The following SPRED1 variants were observed in gnomAD, a reference collection of about 807,000 sequenced individuals.
SPRED1 encodes sprouty related EVH1 domain containing 1.
In SPRED1, 18 loss-of-function variants were observed where a neutral mutation model predicts 52.3. The ratio of observed to expected loss-of-function variants is 0.34; its 90% CI spans 0.24 to 0.51. The LOEUF is 0.51. Among genes scored for constraint, SPRED1 ranks in the 20% least tolerant of loss-of-function variants. The pLI, the probability that SPRED1 is intolerant of heterozygous loss-of-function variation, is 0.97. For synonymous variants in SPRED1, 155 were observed against 179.7 expected, an observed-to-expected ratio of 0.86 and a Z score of 1.10; for missense variants, 485 against 551.0, an observed-to-expected ratio of 0.88 and a Z score of 1.20.
At position 38,271,672 on chromosome 15, in the gene SPRED1, G is replaced by A. The variant is rs75662297; in HGVS notation, c.32+18455G>A. Among the ~76,000 whole-genome samples, 44 of 152,280 alleles carry A rather than the reference G, an allele frequency of 2.9e-4. No individual in the cohort carries two copies. The East Asian group carries it at 8.3e-3, about 29-fold the overall frequency. ...GTTCTTTGGTAAAAAAGGACTTAGA[G>A]ATATTGATTCCCTGCTAGAGGAAAT... On this transcript the variant is annotated intron_variant, in intron 1 of 6. Transcript: ENST00000299084.
chr15:38,272,014 G>T (rs1200818587), intron 1 of SPRED1, among the ~76,000 whole-genome samples: 1 of 152,114 alleles, frequency 6.6e-6, no homozygotes, highest in East Asian at 1.9e-4. Context: ...TTGGTTTTCT[G>T]TTCCTGCCTG....
At chr15:38,350,663 C>A (rs1437505911) in intron 6 of SPRED1, among the ~76,000 whole-genome samples, 1 of 152,148 alleles carries the variant, frequency 6.6e-6, no homozygotes, top group African/African-American at 2.4e-5. Flanking sequence ...GTGGCTCATG[C>A]AATAGTAGAG....
At chr15:38,288,191 A>G (rs8028942) in intron 1 of SPRED1, among the ~76,000 whole-genome samples, 125,600 of 152,150 alleles carry the variant, frequency 0.83, 52,599 homozygotes, top group Non-Finnish European at 0.9. Flanking sequence ...ATAAATGAAT[A>G]TTGGTGGAAG....
At chr15:38,264,478 A>G (rs747132289) in intron 1 of SPRED1, among the ~76,000 whole-genome samples, 57 of 152,230 alleles carry the variant, frequency 3.7e-4, no homozygotes, top group Non-Finnish European at 6.2e-4. Flanking sequence ...TCATAGAACA[A>G]TGGCTCCAGA....
intron 2 of SPRED1, among the ~76,000 whole-genome samples, chr15:38,301,989 A>C (rs544896371): frequency 2.4e-4 from 36 of 152,148 alleles, no homozygotes; most frequent in Non-Finnish European, 4.3e-4. Context: ...AGTGCACTTT[A>C]GTAGTAGTTC....
At chr15:38,324,164 G>T (rs918646865) in intron 3 of SPRED1, among the ~76,000 whole-genome samples, 22 of 152,086 alleles carry the variant, frequency 1.4e-4, no homozygotes, top group African/African-American at 5.3e-4. Flanking sequence ...GCCTCTCAAG[G>T]GTAGCATGAA....
chr15:38,304,932 A>G (rs1309413931), intron 2 of SPRED1, among the ~76,000 whole-genome samples: 7 of 151,388 alleles, frequency 4.6e-5, no homozygotes, highest in Admixed American at 2.6e-4. Flanking sequence ...CTCTCAAACA[A>G]CCCTTTCATT....
At chr15:38,268,607 G>C (rs1894361785) in intron 1 of SPRED1, among the ~76,000 whole-genome samples, 1 of 152,230 alleles carries the variant, frequency 6.6e-6, no homozygotes, top group Admixed American at 6.5e-5. Context: ...ATTTAAAAGT[G>C]ACCAGGGTAT....
At chr15:38,260,964 G>A (rs2140949062) in intron 1 of SPRED1, among the ~76,000 whole-genome samples, 1 of 152,294 alleles carries the variant, frequency 6.6e-6, no homozygotes, top group South Asian at 2.1e-4. Flanking sequence ...ATTACAAATA[G>A]TGGCTGCAAA....
Position 38,351,705 on chromosome 15 carries a change from A to G in SPRED1, c.*41A>G, listed in dbSNP as rs1888493417. 7 of 1,602,462 alleles carry G rather than the reference A, an allele frequency of 4.4e-6. No homozygotes were observed. The highest frequency in any genetic ancestry group is 5.9e-6 in the Non-Finnish European group (7 of 1,178,812). On this transcript the variant is annotated 3_prime_UTR_variant, in exon 7 of 7. Coordinates refer to ENST00000299084, the MANE Select transcript of SPRED1 (RefSeq NM_152594.3). ...AAATGAGCTTAAAATCTTTGTTTCC[A>G]GGAATTAGCTAACTTGGATTTGTGG...
At chr15:38,338,944 T>C (rs10520052) in intron 4 of SPRED1, among the ~76,000 whole-genome samples, 125,143 of 151,972 alleles carry the variant, frequency 0.82, 52,338 homozygotes, top group Non-Finnish European at 0.9. Context: ...GTGATTACTC[T>C]GAATTATTTT....
chr15:38,336,801 G>A (rs1482612457), intron 4 of SPRED1, among the ~76,000 whole-genome samples: 3 of 151,910 alleles, frequency 2.0e-5, no homozygotes, highest in Non-Finnish European at 4.4e-5. Context: ...GGGTGGGGGT[G>A]GTGAGGGATA....
At chr15:38,290,024 A>G (rs1025052909) in intron 1 of SPRED1, among the ~76,000 whole-genome samples, 2 of 152,156 alleles carry the variant, frequency 1.3e-5, no homozygotes, top group Admixed American at 6.5e-5. Flanking sequence ...TGTGTTTAAT[A>G]TAGTTGAATT....
At position 38,355,836 on chromosome 15, in the gene SPRED1, A is replaced by G. The variant is rs1349231981; in HGVS notation, c.*4172A>G. The G allele has an allele frequency of 6.6e-6, 1 of 152,210 alleles. No homozygotes were observed. The highest frequency in any genetic ancestry group is 1.5e-5 in the Non-Finnish European group (1 of 68,024). 9.4% of individuals were successfully genotyped at this position (152,210 alleles called of 1,614,324 possible). A position where few individuals can be genotyped will look rare whatever the true frequency, so the allele number is the denominator to read the frequency against. The stretch of plus-strand genomic sequence containing the variant: ...ACTAAAAAAGTCTATAAATCATAAT[A>G]GCACCATGAGGTGTTTTGCAATGAG... On this transcript the variant is annotated 3_prime_UTR_variant, in exon 7 of 7. Transcript: ENST00000299084.
intron 2 of SPRED1, among the ~76,000 whole-genome samples, chr15:38,309,540 A>G (rs1003417339): frequency 2.6e-5 from 4 of 152,162 alleles, no homozygotes; most frequent in Non-Finnish European, 2.9e-5. Context: ...CCCAGTCTGT[A>G]GCTTGTCTTT....
intron 5 of SPRED1, among the ~76,000 whole-genome samples, chr15:38,346,309 G>A (rs1437662887): frequency 3.1e-5 from 1 of 32,618 alleles, no homozygotes; most frequent in Non-Finnish European, 1.3e-4. Flanking sequence ...GTGAGACCTT[G>A]TCTCAAAAAA....
intron 5 of SPRED1, among the ~76,000 whole-genome samples, chr15:38,340,148 T>C (rs1896000612): frequency 6.6e-6 from 1 of 152,238 alleles, no homozygotes; most frequent in South Asian, 2.1e-4. Context: ...ATTCTTATTT[T>C]ACCCCTTATC....
rs1888554560 is a variant in SPRED1, at chr15:38,354,197, A to G, written c.*2533A>G. 6.6e-6 allele frequency: 1 copy of G among 152,212 alleles called. No homozygotes were observed. The highest frequency in any genetic ancestry group is 2.4e-5 in the African/African-American group (1 of 41,458). The allele number at this position is 152,212 out of a possible 1,614,324, so 9.4% of individuals were successfully genotyped here. ...AATGAGAATTCCTTTGTGAAAGCAA[A>G]TGGGTAGTTTAAATCACTGATTCTT... On this transcript the variant is annotated 3_prime_UTR_variant, in exon 7 of 7. Coordinates refer to ENST00000299084, the MANE Select transcript of SPRED1 (RefSeq NM_152594.3).
chr15:38,347,720 C>A (rs996728839), intron 5 of SPRED1, among the ~76,000 whole-genome samples: 4 of 151,678 alleles, frequency 2.6e-5, no homozygotes, highest in Non-Finnish European at 4.4e-5. Context: ...AGGATTATTT[C>A]TTTGTACCAT....
Sources: allele counts gnomAD v4.1 joint callset (sites outside exome capture counted in the v4.1 genomes callset), GRCh38; gene constraint gnomAD v4.1.1; transcripts MANE v1.5; gene names NCBI Gene and HGNC (gene_info 2026-07-23, HGNC 2026-07-21).